Variants in STARD9 observed in about 807,000 individuals in gnomAD.
STARD9 encodes the protein StAR related lipid transfer domain containing 9, also known as stAR-related lipid transfer protein 9.
A neutral mutation model predicts 399.8 loss-of-function variants in STARD9; 346 were observed. The observed-to-expected ratio is 0.87, with a 90% CI of 0.79 to 0.95. The LOEUF (loss-of-function observed/expected upper bound fraction) is 0.95, where lower values mean the gene tolerates loss of function less well. Among genes scored for constraint, STARD9 ranks in the 40% least tolerant of loss-of-function variants. STARD9 has a pLI of 0.00. For missense variants in STARD9, 5,832 were observed against 5,667.5 expected, an observed-to-expected ratio of 1.03 and a Z score of -0.93; for synonymous variants, 2,203 against 2,143.5, an observed-to-expected ratio of 1.03 and a Z score of -0.77.
intron 21 of STARD9, 137 bp downstream of exon 21, chr15:42,681,749 T>C (rs937841792): frequency 7.5e-6 from 6 of 804,042 alleles, no homozygotes; most frequent in African/African-American, 1.7e-5. Flanking sequence ...CTCTTTTCTT[T>C]TAGACACCAG....
At chr15:42,661,632 T>C (rs922079202) in intron 10 of STARD9, among the ~76,000 whole-genome samples, 3 of 150,650 alleles carry the variant, frequency 2.0e-5, no homozygotes, top group African/African-American at 5.0e-5. Flanking sequence ...TTCTTTCTTT[T>C]TTTTAATGGA....
chr15:42,674,992 C>A, intron 18 of STARD9, 28 bp downstream of exon 18: 1 of 1,492,610 alleles, frequency 6.7e-7, no homozygotes, highest in Non-Finnish European at 8.9e-7. Flanking sequence ...CCTGTTTATC[C>A]CAAGATGAGT....
At chr15:42,713,985 A>C (rs1440065942) in intron 26 of STARD9, among the ~76,000 whole-genome samples, 1 of 152,064 alleles carries the variant, frequency 6.6e-6, no homozygotes, top group African/African-American at 2.4e-5. Flanking sequence ...AGATTTTACT[A>C]ATGAAGCTAT....
At chr15:42,682,019 G>A in intron 21 of STARD9, 85 bp from the exon 22 acceptor site, 1 of 915,780 alleles carries the variant, frequency 1.1e-6, no homozygotes, top group Non-Finnish European at 1.6e-6. Context: ...CACAGGTCCA[G>A]CCATGGCTGG....
At chr15:42,612,810 C>T (rs1375674306) in intron 3 of STARD9, among the ~76,000 whole-genome samples, 1 of 151,958 alleles carries the variant, frequency 6.6e-6, no homozygotes, top group Non-Finnish European at 1.5e-5. Flanking sequence ...GTGGTGAAAC[C>T]CCGTCTCTGC....
At chr15:42,710,584 G>T (rs545123634) in intron 26 of STARD9, among the ~76,000 whole-genome samples, 1 of 152,290 alleles carries the variant, frequency 6.6e-6, no homozygotes, top group South Asian at 2.1e-4. Context: ...CACAATATAT[G>T]ATCCTTTTTG....
At chr15:42,713,721 G>A (rs1446192292) in intron 26 of STARD9, among the ~76,000 whole-genome samples, 1 of 152,082 alleles carries the variant, frequency 6.6e-6, no homozygotes, top group Non-Finnish European at 1.5e-5. Flanking sequence ...CCAGCCCTGT[G>A]TTTCTGTGAT....
intron 3 of STARD9, among the ~76,000 whole-genome samples, chr15:42,610,008 A>G (rs1464194199): frequency 6.6e-6 from 1 of 152,056 alleles, no homozygotes; most frequent in East Asian, 1.9e-4. Context: ...CAGGAGAATC[A>G]CTTGAACGCA....
At chr15:42,600,514 G>A (rs1250591649) in intron 3 of STARD9, among the ~76,000 whole-genome samples, 5 of 150,526 alleles carry the variant, frequency 3.3e-5, no homozygotes, top group South Asian at 2.1e-4. Flanking sequence ...GTTTTGCTTC[G>A]TTTCTTTCTT....
chr15:42,607,758 T>G (rs1437427122), intron 3 of STARD9, among the ~76,000 whole-genome samples: 3 of 152,058 alleles, frequency 2.0e-5, no homozygotes, highest in Non-Finnish European at 4.4e-5. Flanking sequence ...TGCTTCCAAG[T>G]ATTTATTTTC....
At chr15:42,585,385 C>A in intron 2 of STARD9, 136 bp from the exon 3 acceptor site, 1 of 543,094 alleles carries the variant, frequency 1.8e-6, no homozygotes, top group Non-Finnish European at 3.3e-6. Flanking sequence ...ATTACCTTTT[C>A]TTTTTCAGGA....
intron 3 of STARD9, among the ~76,000 whole-genome samples, chr15:42,618,812 TC>T (rs1247061149): frequency 2.0e-5 from 3 of 150,812 alleles, no homozygotes; most frequent in Non-Finnish European, 4.4e-5. Flanking sequence ...GACCTTGTGA[TC>T]CACCTGCCTC....
Position 42,637,888 on chromosome 15 carries a change from C to T in STARD9, c.352-19C>T, listed in dbSNP as rs760509795. 2 of 1,537,002 alleles carry T rather than the reference C, an allele frequency of 1.3e-6. No homozygotes were observed. The highest frequency in any genetic ancestry group is 2.7e-5 in the African/African-American group (2 of 73,034). ...CATCTTAAGTAAACAATAATGCTTT[C>T]CTTTCTTCTGTTCACCAGGCCTCTG... On this transcript the variant is annotated intron_variant, in intron 4 of 32. Transcript: ENST00000290607.
intron 3 of STARD9, among the ~76,000 whole-genome samples, chr15:42,599,085 G>A (rs997449875): frequency 2.0e-5 from 3 of 152,046 alleles, no homozygotes; most frequent in Non-Finnish European, 1.5e-5. Context: ...CACCATGCCT[G>A]GCTAATTTTT....
chr15:42,615,946 G>T (rs1323183627), intron 3 of STARD9, among the ~76,000 whole-genome samples: 1 of 152,104 alleles, frequency 6.6e-6, no homozygotes, highest in Non-Finnish European at 1.5e-5. Context: ...AAAAATCCTT[G>T]TATATGTGGA....
chr15:42,658,531 G>A (rs141142261), intron 9 of STARD9, among the ~76,000 whole-genome samples: 3 of 141,386 alleles, frequency 2.1e-5, no homozygotes, highest in African/African-American at 8.0e-5. Context: ...CACCCAGGCT[G>A]GAGCACAGTG....
intron 26 of STARD9, among the ~76,000 whole-genome samples, chr15:42,708,831 C>A (rs957945076): frequency 6.6e-6 from 1 of 151,858 alleles, no homozygotes; most frequent in African/African-American, 2.4e-5. Context: ...TGAAGTTATG[C>A]GTTTTTGGCA....
intron 7 of STARD9, among the ~76,000 whole-genome samples, chr15:42,648,203 C>G (rs193228005): frequency 6.6e-6 from 1 of 152,188 alleles, no homozygotes; most frequent in Non-Finnish European, 1.5e-5. Flanking sequence ...TGCTCTGTCA[C>G]CCAGGTTAGA....
At chr15:42,579,523 G>A (rs1566846916) in intron 1 of STARD9, among the ~76,000 whole-genome samples, 1 of 152,172 alleles carries the variant, frequency 6.6e-6, no homozygotes, top group Non-Finnish European at 1.5e-5. Flanking sequence ...CACTTGAGCT[G>A]TCTTTGATGT....
Sources: allele counts gnomAD v4.1 joint callset (sites outside exome capture counted in the v4.1 genomes callset), GRCh38; gene constraint gnomAD v4.1.1; transcripts MANE v1.5; gene names NCBI Gene and HGNC (gene_info 2026-07-23, HGNC 2026-07-21).